The following PI4KA variants were observed in gnomAD, a reference collection of about 807,000 sequenced individuals.
PI4KA encodes PI4-kinase alpha.
PI4KA carries 122 observed loss-of-function variants against 271.4 expected under a neutral mutation model. The observed-to-expected ratio is 0.45, with a 90% confidence interval of 0.39 to 0.52. PI4KA has a LOEUF of 0.52. Ranked by LOEUF, PI4KA falls within the 20% of genes least tolerant of loss-of-function variation. The pLI is 0.00. For missense variants in PI4KA, 1,969 were observed against 2,769.1 expected (o/e 0.71, Z 6.48); for synonymous variants, 1,041 against 1,078.8 (o/e 0.96, Z 0.69).
rs73877789 is a variant in PI4KA at position 20,790,360 on chromosome 22, T to A, written c.2328+2833A>T. The stretch of plus-strand genomic sequence containing the variant: ...ATACAAAATAGAGTATATCTTTCTT[T>A]TAAAAAATAAAATAAGTAGGCCAGG... On this transcript the variant is annotated intron_variant, in intron 19 of 54. Coordinates refer to ENST00000255882, the MANE Select transcript of PI4KA (RefSeq NM_058004.4). Among the ~76,000 whole-genome samples, 429 of 152,160 alleles carry A rather than the reference T, an allele frequency of 2.8e-3. 2 individuals carry two copies. Among genetic ancestry groups the A allele is most frequent in the African/African-American group, 9.7e-3 (403 of 41,516 alleles).
intron 22 of PI4KA, among the ~76,000 whole-genome samples, chr22:20,762,229 C>T (rs1022006116): frequency 1.3e-5 from 2 of 152,168 alleles, no homozygotes; most frequent in African/African-American, 4.8e-5. Flanking sequence ...TGTCTTTTGG[C>T]CTCTGCACCA....
At chr22:20,811,126 G>A in intron 8 of PI4KA, 94 bp from the exon 9 acceptor site, 1 of 879,542 alleles carries the variant, frequency 1.1e-6, no homozygotes, top group Non-Finnish European at 1.9e-6. Context: ...AACTCACATG[G>A]TGAAAAATGT....
intron 40 of PI4KA, 51 bp downstream of exon 40, chr22:20,727,723 G>T: frequency 7.4e-7 from 1 of 1,350,422 alleles, no homozygotes; most frequent in Non-Finnish European, 1.1e-6. Flanking sequence ...TGGGTGCAGT[G>T]TGCTATTTTG....
intron 9 of PI4KA, among the ~76,000 whole-genome samples, chr22:20,810,184 C>T (rs73390417): frequency 4.3e-4 from 65 of 152,238 alleles, no homozygotes; most frequent in African/African-American, 1.5e-3. Context: ...ATAAATAATG[C>T]TGTAGGCCTT....
intron 2 of PI4KA, among the ~76,000 whole-genome samples, chr22:20,837,782 A>C (rs1365809337): frequency 1.3e-5 from 2 of 152,062 alleles, no homozygotes; most frequent in Non-Finnish European, 1.5e-5. Flanking sequence ...TTTTTGTTGG[A>C]GCTACAGGGC....
At chr22:20,728,253 T>TA (rs920723431) in intron 39 of PI4KA, among the ~76,000 whole-genome samples, 5 of 151,416 alleles carry the variant, frequency 3.3e-5, no homozygotes, top group African/African-American at 9.7e-5. Flanking sequence ...CACAGAAATT[T>TA]AAAAAAAAAG....
intron 18 of PI4KA, 104 bp from the exon 19 acceptor site, chr22:20,793,347 A>G: frequency 1.5e-6 from 1 of 676,258 alleles, no homozygotes; most frequent in Non-Finnish European, 2.6e-6. Context: ...GGAATGTCTT[A>G]ATCTAAGAGA....
Position 20,721,399 on chromosome 22 carries a change from T to C in PI4KA, c.5015A>G (p.Tyr1672Cys), listed in dbSNP as rs771727199. 6.2e-7 allele frequency: 1 copy of C among 1,613,950 alleles called. No individual in the cohort carries two copies. The highest frequency in any genetic ancestry group is 8.5e-7 in the Non-Finnish European group (1 of 1,180,006). ...RYDKMGYVRE[Y>C]ILWAASKSQL... is the part of the protein sequence containing the mutation. ...GGATTTAGACGCTGCCCACAGAATA[T>C]ACTCCCGCACATAGCCCATCTGCAG... is the stretch of plus-strand genomic sequence containing the variant. Residue 1672 changes from tyrosine to cysteine, a missense_variant, in exon 43 of 55, where the codon TAT (tyrosine) becomes TGT (cysteine). By Grantham distance (194) the Tyr-to-Cys change is radical. Around this residue, in one of 13 missense-constraint regions of PI4KA, gnomAD observed 388 missense variants for 521.5 expected, o/e 0.74. Coordinates refer to ENST00000255882, the MANE Select transcript of PI4KA (RefSeq NM_058004.4).
Position 20,825,338 on chromosome 22 carries a change from T to C in PI4KA, c.368-924A>G, listed in dbSNP as rs115011618. Among the ~76,000 whole-genome samples the C allele has an allele frequency of 4.8e-3, 736 of 152,286 alleles. 4 individuals are homozygous for C. Among genetic ancestry groups the C allele is most frequent in the African/African-American group, 0.017 (705 of 41,566 alleles). On this transcript the variant is annotated intron_variant, in intron 3 of 54. Coordinates refer to ENST00000255882, the MANE Select transcript of PI4KA (RefSeq NM_058004.4). ...GACTGGGTGCAGTGGCTCATGCCTA[T>C]AGTCCTAGCACTTTAGGAGGCCAAA...
At chr22:20,711,655 A>C (rs1010549376) in intron 50 of PI4KA, among the ~76,000 whole-genome samples, 194 bp from the exon 51 acceptor site, 4 of 152,150 alleles carry the variant, frequency 2.6e-5, no homozygotes, top group African/African-American at 9.7e-5. Flanking sequence ...GTGGGCGTGC[A>C]GGCACTTCCT....
At chr22:20,818,747 G>C (rs1326482966) in intron 6 of PI4KA, among the ~76,000 whole-genome samples, 198 bp from the exon 7 acceptor site, 1 of 152,100 alleles carries the variant, frequency 6.6e-6, no homozygotes, top group South Asian at 2.1e-4. Context: ...GTGTTTAGCC[G>C]TATATTTGAC....
intron 4 of PI4KA, among the ~76,000 whole-genome samples, chr22:20,823,465 G>A (rs566390133): frequency 6.6e-6 from 1 of 152,216 alleles, no homozygotes; most frequent in African/African-American, 2.4e-5. Flanking sequence ...GAAGAACCTA[G>A]GAACAGCAGC....
At chr22:20,738,374 G>A (rs576580245) in intron 32 of PI4KA, among the ~76,000 whole-genome samples, 1 of 152,326 alleles carries the variant, frequency 6.6e-6, no homozygotes, top group South Asian at 2.1e-4. Context: ...TCAGTTACTA[G>A]TGCAGCCCAC....
At chr22:20,816,838 C>A (rs1338499598) in intron 7 of PI4KA, among the ~76,000 whole-genome samples, 1 of 152,174 alleles carries the variant, frequency 6.6e-6, no homozygotes, top group Non-Finnish European at 1.5e-5. Flanking sequence ...GTGCTCCCAT[C>A]TGCCACTTAC....
intron 3 of PI4KA, among the ~76,000 whole-genome samples, chr22:20,828,948 T>C (rs1014392300): frequency 7.9e-5 from 12 of 152,342 alleles, no homozygotes; most frequent in Middle Eastern, 3.4e-3. Context: ...TTTAGTTCTG[T>C]TTCTGCCATG....
chr22:20,766,410 T>A (rs544596123), intron 19 of PI4KA, among the ~76,000 whole-genome samples: 1 of 152,242 alleles, frequency 6.6e-6, no homozygotes, highest in South Asian at 2.1e-4. Context: ...ACGCCTGTAA[T>A]CCCAACACTT....
intron 23 of PI4KA, among the ~76,000 whole-genome samples, chr22:20,758,708 C>G (rs1931615190): frequency 6.6e-6 from 1 of 152,092 alleles, no homozygotes; most frequent in East Asian, 1.9e-4. Context: ...CCCAACTGGT[C>G]CTGGGGCATG....
Position 20,858,688 on chromosome 22 carries a change from C to T in PI4KA, c.38G>A (p.Gly13Asp), listed in dbSNP as rs1927984121. 2.0e-6 allele frequency: 3 copies of T among 1,468,440 alleles called. No homozygotes were observed. Among genetic ancestry groups the T allele is most frequent in the African/African-American group, 2.9e-5 (2 of 68,036 alleles). 91.0% of individuals were successfully genotyped at this position (1,468,440 alleles called of 1,614,324 possible). The change falls in exon 1 of 55, where the codon GGC becomes GAC. Residue 13 changes from glycine to aspartate, a missense_variant. By Grantham distance (94) the Gly-to-Asp change is moderately conservative. This residue lies in a region of PI4KA where 540 missense variants were observed against 555.5 expected (regional missense o/e 0.97). Transcript: ENST00000255882. Reference sequence around the variant, plus strand: ...GCCGGAGCAGCCGCCGCCGCCTCCGCCTCCGCCTCCGCCTCCCCGGGCCGG... The same window carrying T: ...GCCGGAGCAGCCGCCGCCGCCTCCGTCTCCGCCTCCGCCTCCCCGGGCCGG... ...AAPARGGGGG[G>D]GGGGGCSGSG...
intron 22 of PI4KA, among the ~76,000 whole-genome samples, chr22:20,762,152 T>C (rs566390214): frequency 6.6e-6 from 1 of 152,276 alleles, no homozygotes; most frequent in East Asian, 1.9e-4. Flanking sequence ...ACTTGTCCCA[T>C]GGGTGCTGTG....
Sources: gnomAD v4.1 joint callset for allele counts (sites outside exome capture counted in the v4.1 genomes callset) on GRCh38, gnomAD v4.1.1 for gene constraint, gnomAD v4.1.1 regional missense constraint, MANE v1.5 for transcripts, NCBI Gene and HGNC (gene_info 2026-07-23, HGNC 2026-07-21) for gene names.